DACH2: variants seen among roughly 807,000 people sequenced by gnomAD.
The protein encoded by DACH2 is dachshund homolog 2.
A neutral mutation model predicts 35.8 loss-of-function variants in DACH2; 17 were observed. That is an observed-to-expected ratio of 0.48 (90% confidence interval 0.33 to 0.71). DACH2 has a LOEUF of 0.71. DACH2 is among the 30% of genes least tolerant of loss of function. DACH2 has a pLI of 0.02. For synonymous variants in DACH2, 195 were observed against 177.3 expected (o/e 1.10, Z -0.79); for missense variants, 469 against 472.7 (o/e 0.99, Z 0.07).
chrX:86,698,440 C>T (rs5968969), intron 5 of DACH2, among the ~76,000 whole-genome samples: 4,428 of 102,192 alleles, frequency 0.043, 228 homozygotes, highest in African/African-American at 0.15. Context: ...ATTTATGTAA[C>T]GAAAGGAAGA....
intron 5 of DACH2, among the ~76,000 whole-genome samples, chrX:86,697,766 G>A (rs1366224995): frequency 2.7e-5 from 3 of 110,893 alleles, no homozygotes; most frequent in Non-Finnish European, 3.8e-5. Context: ...AATACACAGA[G>A]CCAAGGAAAG....
At chrX:86,805,276 A>AAAG (rs759542978) in intron 7 of DACH2, among the ~76,000 whole-genome samples, 3 of 112,384 alleles carry the variant, frequency 2.7e-5, no homozygotes, top group African/African-American at 9.7e-5. Context: ...TTTTTCCTCT[A>AAAG]AAGTATCAGT....
At chrX:86,718,058 A>G (rs1370284400) in intron 6 of DACH2, among the ~76,000 whole-genome samples, 1 of 110,005 alleles carries the variant, frequency 9.1e-6, no homozygotes, top group African/African-American at 3.3e-5. Flanking sequence ...TGGTAGTTCT[A>G]TTTATAGTTC....
At chrX:86,256,815 T>C (rs1412482894) in intron 1 of DACH2, among the ~76,000 whole-genome samples, 1 of 111,467 alleles carries the variant, frequency 9.0e-6, no homozygotes, top group South Asian at 3.8e-4. Context: ...GGTATGAGAA[T>C]TTTTGTGTTT....
At chrX:86,214,433 T>C (rs2032522010) in intron 1 of DACH2, among the ~76,000 whole-genome samples, 1 of 112,278 alleles carries the variant, frequency 8.9e-6, no homozygotes, top group Non-Finnish European at 1.9e-5. Context: ...ATTTTCAGTT[T>C]GATGTGATAG....
intron 2 of DACH2, among the ~76,000 whole-genome samples, chrX:86,452,785 T>A (rs1211877906): frequency 1.8e-5 from 2 of 111,223 alleles, no homozygotes; most frequent in African/African-American, 6.5e-5. Flanking sequence ...ATTCATTGAT[T>A]TTTTTGAAGG....
intron 2 of DACH2, among the ~76,000 whole-genome samples, chrX:86,513,735 C>T (rs1449053854): frequency 8.9e-6 from 1 of 112,007 alleles, no homozygotes; most frequent in Non-Finnish European, 1.9e-5. Flanking sequence ...GGTTTAAAAA[C>T]TACATAGGAA....
In DACH2 at chrX:86,499,308, G is replaced by A. The variant is rs758635729; in HGVS notation, c.528-14971G>A. Among the ~76,000 whole-genome samples, 13 of 111,574 alleles carry A rather than the reference G, an allele frequency of 1.2e-4. No homozygotes were observed. The South Asian group carries it at 4.9e-3, about 42-fold the overall frequency. On this transcript the variant is annotated intron_variant, in intron 2 of 11. Coordinates refer to ENST00000373125, the MANE Select transcript of DACH2 (RefSeq NM_053281.3). ...GAACTGAGACCCCTAAGGGATGAGA[G>A]TTGCTGTTAAGTTCCCATAACCCAT...
chrX:86,778,077 G>A (rs2042053717), intron 7 of DACH2, among the ~76,000 whole-genome samples: 1 of 111,726 alleles, frequency 9.0e-6, no homozygotes, highest in Non-Finnish European at 1.9e-5. Context: ...ATTTGCTATT[G>A]TGAATAGTGC....
chrX:86,326,209 G>T lies in DACH2; in HGVS notation c.489-50615G>T, dbSNP rs746846074. ...TATCTGTATCCGGCTGGGTGCGGTG[G>T]CTCACGCCTGTGATCCCAGCACTTT... On this transcript the variant is annotated intron_variant, in intron 1 of 11. Coordinates refer to ENST00000373125, the MANE Select transcript of DACH2 (RefSeq NM_053281.3). Among the ~76,000 whole-genome samples, 11 of 110,747 alleles carry T rather than the reference G, an allele frequency of 9.9e-5. No individual in the cohort carries two copies. The South Asian group carries it at 3.4e-3, about 34-fold the overall frequency.
At chrX:86,378,874 C>G (rs964417095) in intron 2 of DACH2, among the ~76,000 whole-genome samples, 2 of 110,756 alleles carry the variant, frequency 1.8e-5, no homozygotes, top group Non-Finnish European at 3.8e-5. Flanking sequence ...GGTGGTTATG[C>G]GCTTTGTGGG....
chrX:86,503,480 T>C (rs962247338), intron 2 of DACH2, among the ~76,000 whole-genome samples: 11 of 112,259 alleles, frequency 9.8e-5, no homozygotes, highest in African/African-American at 2.6e-4. Flanking sequence ...TTTAGTTACA[T>C]TGCCCTTTTG....
At chrX:86,806,885 C>A (rs908056881) in intron 7 of DACH2, among the ~76,000 whole-genome samples, 1 of 111,769 alleles carries the variant, frequency 8.9e-6, no homozygotes, top group Admixed American at 9.5e-5. Flanking sequence ...TGACATTTGG[C>A]CAGATAATTC....
chrX:86,356,266 C>A (rs757524697), intron 1 of DACH2, among the ~76,000 whole-genome samples: 164 of 111,809 alleles, frequency 1.5e-3, no homozygotes, highest in Non-Finnish European at 2.7e-3. Context: ...CCAGTTATCC[C>A]AGCACCATTT....
intron 1 of DACH2, among the ~76,000 whole-genome samples, chrX:86,310,437 G>A (rs2034775501): frequency 9.0e-6 from 1 of 111,447 alleles, no homozygotes; most frequent in East Asian, 2.8e-4. Flanking sequence ...GACCGAGGAA[G>A]AGAAGAGAAG....
intron 2 of DACH2, among the ~76,000 whole-genome samples, chrX:86,391,472 A>G (rs1274981928): frequency 9.1e-6 from 1 of 110,305 alleles, no homozygotes; most frequent in Non-Finnish European, 1.9e-5. Context: ...AAAATACTGA[A>G]ACTACCACAT....
chrX:86,626,669 T>C (rs1301923424), intron 3 of DACH2, among the ~76,000 whole-genome samples: 1 of 113,306 alleles, frequency 8.8e-6, no homozygotes, highest in Non-Finnish European at 1.9e-5. Flanking sequence ...ACCTCAGTTC[T>C]TGACTTCTGG....
rs750972540 is a variant in DACH2, at chrX:86,387,416, G to C, written c.527+10554G>C. On this transcript the variant is annotated intron_variant, in intron 2 of 11. Coordinates refer to ENST00000373125, the MANE Select transcript of DACH2 (RefSeq NM_053281.3). ...CTAGTATTCCATAAAATGCACTTTA[G>C]GAAATGCCATACGAGTGGTAAAAGG... 4.5e-5 allele frequency among the ~76,000 whole-genome samples: 5 copies of C among 111,451 alleles called. No homozygotes were observed. In the Middle Eastern group the frequency reaches 0.014, roughly 314 times the overall value.
At chrX:86,153,575 A>G (rs1361587034) in intron 1 of DACH2, among the ~76,000 whole-genome samples, 1 of 111,341 alleles carries the variant, frequency 9.0e-6, no homozygotes, top group Non-Finnish European at 1.9e-5. Flanking sequence ...AATATTTTGT[A>G]TGGCTTACAT....
Sources: allele counts gnomAD v4.1 joint callset (sites outside exome capture counted in the v4.1 genomes callset), GRCh38; gene constraint gnomAD v4.1.1; transcripts MANE v1.5; gene names NCBI Gene and HGNC (gene_info 2026-07-23, HGNC 2026-07-21).